EGFLAM: variants seen among roughly 807,000 people sequenced by gnomAD.
The protein encoded by EGFLAM is EGF like, fibronectin type III and laminin G domains.
EGFLAM carries 79 observed loss-of-function variants against 113.1 expected under a neutral mutation model. That is an observed-to-expected ratio of 0.70 (90% CI 0.58 to 0.84). The LOEUF (loss-of-function observed/expected upper bound fraction) is 0.84. Among genes scored for constraint, EGFLAM ranks in the 40% least tolerant of loss-of-function variants. EGFLAM has a pLI of 0.00. For missense variants in EGFLAM, 1,265 were observed against 1,291.6 expected (o/e 0.98, Z 0.32); for synonymous variants, 504 against 487.6 (o/e 1.03, Z -0.44).
At chr5:38,431,558 C>T (rs1331326610) in intron 15 of EGFLAM, among the ~76,000 whole-genome samples, 1 of 152,164 alleles carries the variant, frequency 6.6e-6, no homozygotes, top group East Asian at 1.9e-4. Flanking sequence ...TGCCTTTCAC[C>T]TCTTCGCCTC....
intron 1 of EGFLAM, among the ~76,000 whole-genome samples, chr5:38,296,581 T>C (rs1394634768): frequency 6.6e-6 from 1 of 152,122 alleles, no homozygotes; most frequent in Non-Finnish European, 1.5e-5. Flanking sequence ...AGGCAAGATC[T>C]ACCAGTGGAT....
intron 1 of EGFLAM, among the ~76,000 whole-genome samples, chr5:38,304,068 G>A (rs937740124): frequency 6.6e-6 from 1 of 151,644 alleles, no homozygotes; most frequent in South Asian, 2.1e-4. Context: ...GGCGAAGGTT[G>A]TAGTGAGCCA....
intron 3 of EGFLAM, among the ~76,000 whole-genome samples, chr5:38,349,773 G>GCACACACACACACACACA (rs57785664): frequency 6.6e-4 from 86 of 131,034 alleles, no homozygotes; most frequent in African/African-American, 8.7e-4. Flanking sequence ...AAGTACACAC[G>GCACACACACACACACACA]CACACACACA....
At position 38,438,405 on chromosome 5, in the gene EGFLAM, G is replaced by A. The variant is rs1337234760; in HGVS notation, c.2414G>A (p.Gly805Asp). ...HGGSCRPRKE[G>D]YDCDCPLGFE... ...GGCAGCTGCCGGCCCAGGAAGGAGG[G>A]CTATGACTGTGACTGCCCCTTGGGC... Residue 805 changes from glycine (G) to aspartate (D), a missense_variant, in exon 17 of 22, where the codon GGC (glycine) becomes GAC (aspartate). Physicochemically the swap from Gly to Asp is moderately conservative, Grantham distance 94. Transcript: ENST00000322350. 1 of 1,613,750 alleles carries A rather than the reference G, an allele frequency of 6.2e-7. No individual in the cohort carries two copies. Among genetic ancestry groups the A allele is most frequent in the Non-Finnish European group, 8.5e-7 (1 of 1,179,906 alleles).
In EGFLAM at chr5:38,329,749, A is replaced by G. The variant is rs148528010; in HGVS notation, c.98-7771A>G. 1.2e-3 allele frequency among the ~76,000 whole-genome samples: 181 copies of G among 152,166 alleles called. 1 individual carries two copies. Among genetic ancestry groups the G allele is most frequent in the African/African-American group, 4.0e-3 (166 of 41,516 alleles). On this transcript the variant is annotated intron_variant, in intron 1 of 21. Transcript: ENST00000322350. ...CTGTCTGCCTCGTTCCTATGGGTCTATTGCACAGAGCCTGGTATGTCCTTG... is the reference window on the plus strand; with the variant it reads ...CTGTCTGCCTCGTTCCTATGGGTCTGTTGCACAGAGCCTGGTATGTCCTTG...
intron 6 of EGFLAM, among the ~76,000 whole-genome samples, chr5:38,373,660 CT>C (rs138423989): frequency 0.029 from 4,341 of 152,274 alleles, 84 homozygotes; most frequent in Middle Eastern, 0.051. Flanking sequence ...ATTCAGTCAA[CT>C]TTTGATAGAT....
chr5:38,454,499 G>A (rs1311474234), intron 19 of EGFLAM, among the ~76,000 whole-genome samples: 1 of 152,194 alleles, frequency 6.6e-6, no homozygotes, highest in Non-Finnish European at 1.5e-5. Context: ...ATAATGATAA[G>A]AAAAATTATG....
chr5:38,377,734 A>G (rs1239939392), intron 6 of EGFLAM, among the ~76,000 whole-genome samples: 1 of 152,218 alleles, frequency 6.6e-6, no homozygotes, highest in East Asian at 1.9e-4. Context: ...AAACAAATAG[A>G]GTAAAAGAGG....
intron 13 of EGFLAM, among the ~76,000 whole-genome samples, chr5:38,425,616 T>C (rs938366684): frequency 2.0e-5 from 3 of 152,210 alleles, no homozygotes; most frequent in Non-Finnish European, 4.4e-5. Context: ...AACTCACTCA[T>C]CTGATGTTGA....
chr5:38,394,537 G>A (rs1291620879), intron 6 of EGFLAM, among the ~76,000 whole-genome samples: 1 of 151,612 alleles, frequency 6.6e-6, no homozygotes, highest in Non-Finnish European at 1.5e-5. Flanking sequence ...AGCCTCCCGA[G>A]TAGCTGGGAC....
intron 1 of EGFLAM, among the ~76,000 whole-genome samples, chr5:38,330,627 C>A (rs1393737647): frequency 1.3e-5 from 2 of 152,198 alleles, no homozygotes; most frequent in African/African-American, 4.8e-5. Flanking sequence ...TGCAGATACA[C>A]AAGGGATACA....
intron 1 of EGFLAM, among the ~76,000 whole-genome samples, chr5:38,290,265 G>A (rs1758287667): frequency 6.6e-6 from 1 of 152,190 alleles, no homozygotes; most frequent in Non-Finnish European, 1.5e-5. Context: ...AGCTGGACTA[G>A]TTTTCCACCG....
rs1742034908 is a variant in EGFLAM, at chr5:38,427,070, G to T, written c.1872G>T (p.Trp624Cys). The change falls in exon 14 of 22, where the codon TGG becomes TGT. Residue 624 changes from tryptophan (W) to cysteine (C), a missense_variant. Coordinates refer to ENST00000322350, the MANE Select transcript of EGFLAM (RefSeq NM_152403.4). ...ESLRSYAATP[W>C]PLEPQHYLSF... Reference sequence around the variant, plus strand: ...TGAGATCTTACGCTGCAACTCCCTGGCCACTGGAGCCCCAGCATTACCTTT... The same window carrying T: ...TGAGATCTTACGCTGCAACTCCCTGTCCACTGGAGCCCCAGCATTACCTTT... The T allele has an allele frequency of 6.2e-7, 1 of 1,614,018 alleles. No homozygotes were observed. Among genetic ancestry groups the T allele is most frequent in the Non-Finnish European group, 8.5e-7 (1 of 1,180,016 alleles).
intron 6 of EGFLAM, among the ~76,000 whole-genome samples, chr5:38,389,489 G>A (rs57297486): frequency 0.079 from 11,934 of 151,978 alleles, 1,604 homozygotes; most frequent in African/African-American, 0.27. Context: ...TCAAGTATTC[G>A]TTTATTTGCC....
intron 1 of EGFLAM, among the ~76,000 whole-genome samples, chr5:38,265,923 C>A (rs1579701950): frequency 2.0e-5 from 3 of 152,290 alleles, no homozygotes; most frequent in African/African-American, 7.2e-5. Context: ...CCCACTGCCT[C>A]CCTCTCCCTG....
At chr5:38,380,700 T>C (rs1579844571) in intron 6 of EGFLAM, among the ~76,000 whole-genome samples, 1 of 152,228 alleles carries the variant, frequency 6.6e-6, no homozygotes, top group African/African-American at 2.4e-5. Flanking sequence ...AATCGCTCTA[T>C]TGATTTGCTG....
chr5:38,319,998 T>C (rs1738698726), intron 1 of EGFLAM, among the ~76,000 whole-genome samples: 1 of 152,248 alleles, frequency 6.6e-6, no homozygotes, highest in Non-Finnish European at 1.5e-5. Flanking sequence ...AGGCTGTCTA[T>C]GTTGAAGCAA....
intron 19 of EGFLAM, 194 bp downstream of exon 19, chr5:38,451,652 A>G (rs1045444355): frequency 8.8e-6 from 7 of 799,042 alleles, no homozygotes; most frequent in Non-Finnish European, 1.3e-5. Context: ...TCAGCAAACT[A>G]TGGCCTGCAG....
At chr5:38,268,624 C>T (rs561390957) in intron 1 of EGFLAM, among the ~76,000 whole-genome samples, 8 of 152,254 alleles carry the variant, frequency 5.3e-5, no homozygotes, top group Middle Eastern at 3.4e-3. Flanking sequence ...TGGCTTCTTT[C>T]CCATGGATAT....
Sources: allele counts gnomAD v4.1 joint callset (sites outside exome capture counted in the v4.1 genomes callset), GRCh38; gene constraint gnomAD v4.1.1; transcripts MANE v1.5; gene names NCBI Gene and HGNC (gene_info 2026-07-23, HGNC 2026-07-21).